Variants in SGCB observed in about 807,000 individuals in gnomAD.
The protein encoded by SGCB is sarcoglycan beta, also known as beta-sarcoglycan.
Under a neutral mutation model 27.3 loss-of-function variants are expected in SGCB, and 25 were observed. The ratio of observed to expected loss-of-function variants is 0.92; its 90% CI spans 0.67 to 1.28. The LOEUF (loss-of-function observed/expected upper bound fraction) is 1.28, where lower values mean the gene tolerates loss of function less well. Ranked by LOEUF, SGCB falls within the 50% of genes most tolerant of loss-of-function variation. The pLI is 0.00. For missense variants in SGCB, 436 were observed against 402.1 expected, an observed-to-expected ratio of 1.08 and a Z score of -0.72; for synonymous variants, 147 against 133.5, an observed-to-expected ratio of 1.10 and a Z score of -0.70.
chr4:52,024,143 T>G lies in SGCB; in HGVS notation c.771A>C (p.Leu257=), dbSNP rs2110209659. Residue 257 remains leucine (L), a synonymous_variant, in exon 6 of 6, where the codon CTA becomes CTC. Transcript: ENST00000381431. ...TGGTGCTGACCATCACAGATCCATT[T>G]AGGATGATACTGTTTTCCTATTAGG... ...MELKAENSII[L]NGSVMVSTTR... The G allele has an allele frequency of 6.2e-7, 1 of 1,613,714 alleles. No individual in the cohort carries two copies. The highest frequency in any genetic ancestry group is 8.5e-7 in the Non-Finnish European group (1 of 1,179,772).
intron 2 of SGCB, among the ~76,000 whole-genome samples, chr4:52,030,297 TTAA>T (rs1737215286): frequency 6.6e-6 from 1 of 152,182 alleles, no homozygotes; most frequent in Non-Finnish European, 1.5e-5. Context: ...GGTTTTATTA[TTAA>T]TTTTCTATTT....
At chr4:52,025,109 G>A (rs1218884821) in intron 5 of SGCB, among the ~76,000 whole-genome samples, 1 of 152,048 alleles carries the variant, frequency 6.6e-6, no homozygotes, top group Admixed American at 6.6e-5. Context: ...AGTGCCTGCT[G>A]TATGCCAGAC....
Position 52,029,839 on chromosome 4 carries a change from T to A in SGCB, c.268A>T (p.Ile90Phe). ...TCACAGCCATTTGGTCCAATGCGAA[T>A]CACGGCCCAAATAACAAGTGTTATC... ...LIITLVIWAV[I>F]RIGPNGCDSM... Residue 90 changes from isoleucine (I) to phenylalanine (F), a missense_variant, in exon 3 of 6, where the codon ATT becomes TTT. Coordinates refer to ENST00000381431, the MANE Select transcript of SGCB (RefSeq NM_000232.5). 1 of 1,613,840 alleles carries A rather than the reference T, an allele frequency of 6.2e-7. No individual in the cohort carries two copies. Among genetic ancestry groups the A allele is most frequent in the Non-Finnish European group, 8.5e-7 (1 of 1,179,778 alleles).
At position 52,028,938 on chromosome 4, in the gene SGCB, T is replaced by C. The variant is rs1206154385; in HGVS notation, c.430-17A>G. On this transcript the variant is annotated splice_polypyrimidine_tract_variant and intron_variant, in intron 3 of 5. Coordinates refer to ENST00000381431, the MANE Select transcript of SGCB (RefSeq NM_000232.5). ...AAAAACAATCTTCAAAAAAAACAGT[T>C]TATTGTGAATATATTTTCAAAGAAG... 1 of 1,587,770 alleles carries C rather than the reference T, an allele frequency of 6.3e-7. No homozygotes were observed. The highest frequency in any genetic ancestry group is 1.3e-5 in the African/African-American group (1 of 74,488).
chr4:52,029,535 ATACATT>A, intron 3 of SGCB, 137 bp downstream of exon 3: 1 of 542,196 alleles, frequency 1.8e-6, no homozygotes, highest in East Asian at 3.2e-5. Context: ...CACTATATTC[ATACATT>A]TATAGATATA....
At chr4:52,025,034 T>G (rs1171233657) in intron 5 of SGCB, among the ~76,000 whole-genome samples, 1 of 152,114 alleles carries the variant, frequency 6.6e-6, no homozygotes, top group African/African-American at 2.4e-5. Flanking sequence ...TAGTGACTCT[T>G]AGGACTCTCT....
chr4:52,026,250 G>GCT (rs1737089701), intron 5 of SGCB, among the ~76,000 whole-genome samples: 1 of 101,646 alleles, frequency 9.8e-6, no homozygotes, highest in East Asian at 2.6e-4. Context: ...TTTGTTGTTG[G>GCT]TTTTTTTTTT....
chr4:52,028,710 A>T lies in SGCB; in HGVS notation c.621+20T>A. The stretch of plus-strand genomic sequence containing the variant: ...AGAATAATTCTCTCCCATTAGTAAA[A>T]CAAAGCCAATAAATCATACCCTTTC... On this transcript the variant is annotated intron_variant, in intron 4 of 5. Transcript: ENST00000381431. The T allele has an allele frequency of 6.4e-7, 1 of 1,558,532 alleles. No homozygotes were observed.
chr4:52,027,535 A>G (rs1737130291), intron 5 of SGCB, among the ~76,000 whole-genome samples: 1 of 151,594 alleles, frequency 6.6e-6, no homozygotes, highest in South Asian at 2.1e-4. Flanking sequence ...ATTAAAAACA[A>G]CAACTACAAG....
chr4:52,030,778 T>A (rs573248202), intron 2 of SGCB, among the ~76,000 whole-genome samples: 2 of 152,230 alleles, frequency 1.3e-5, no homozygotes, highest in African/African-American at 2.4e-5. Flanking sequence ...CCCAGTTTCC[T>A]GTATCCTCAT....
Position 52,022,590 on chromosome 4 carries a change from T to C in SGCB, c.*1367A>G, listed in dbSNP as rs1425437351. ...AATTATTATCCTTACCTAAAAATTA[T>C]GTGTATTATTTCCTGCATTAGCACT... On this transcript the variant is annotated 3_prime_UTR_variant, in exon 6 of 6. Transcript: ENST00000381431. The C allele has an allele frequency of 6.6e-6, 1 of 152,210 alleles. No homozygotes were observed. Among genetic ancestry groups the C allele is most frequent in the Non-Finnish European group, 1.5e-5 (1 of 68,040 alleles). 9.4% of individuals were successfully genotyped at this position (152,210 alleles called of 1,614,324 possible). A position where few individuals can be genotyped will look rare whatever the true frequency, so the allele number is the denominator to read the frequency against.
In SGCB at chr4:52,022,542, T is replaced by C. The variant is rs1451014644; in HGVS notation, c.*1415A>G. 1 of 152,228 alleles carries C rather than the reference T, an allele frequency of 6.6e-6. No homozygotes were observed. Among genetic ancestry groups the C allele is most frequent in the Non-Finnish European group, 1.5e-5 (1 of 68,036 alleles). The allele number at this position is 152,228 out of a possible 1,614,324, so 9.4% of individuals were successfully genotyped here. A position where few individuals can be genotyped will look rare whatever the true frequency, so the allele number is the denominator to read the frequency against. ...AGGGTTATAAATAATTACAATGGGATAGTAATATTAGGAGCAGAGATAAAT... is the reference window on the plus strand; with the variant it reads ...AGGGTTATAAATAATTACAATGGGACAGTAATATTAGGAGCAGAGATAAAT... On this transcript the variant is annotated 3_prime_UTR_variant, in exon 6 of 6. Transcript: ENST00000381431.
chr4:52,037,146 CA>C (rs1203235316), intron 1 of SGCB, among the ~76,000 whole-genome samples: 1 of 152,168 alleles, frequency 6.6e-6, no homozygotes, highest in African/African-American at 2.4e-5. Context: ...ATTTAAATAC[CA>C]ACTCCAAGAA....
intron 1 of SGCB, 125 bp from the exon 2 acceptor site, chr4:52,033,765 C>T (rs916911914): frequency 1.3e-6 from 1 of 750,216 alleles, no homozygotes; most frequent in Non-Finnish European, 2.4e-6. Context: ...CATGAATAAA[C>T]TGCAAATCAC....
rs1459116723 is a variant in SGCB, at chr4:52,034,376, A to G, written c.34-736T>C. On this transcript the variant is annotated intron_variant, in intron 1 of 5. Coordinates refer to ENST00000381431, the MANE Select transcript of SGCB (RefSeq NM_000232.5). ...AAAAAAAAAAAAAAAAAAAAAAAAA[A>G]GGGAATGGTTGCATTTGTACAGAAC... 5.9e-5 allele frequency among the ~76,000 whole-genome samples: 8 copies of G among 135,554 alleles called. No homozygotes were observed. The East Asian group carries it at 1.5e-3, about 25-fold the overall frequency. The allele number at this position is 135,554 out of a possible 152,430, so 88.9% of individuals were successfully genotyped here.
At chr4:52,025,754 C>T (rs184348882) in intron 5 of SGCB, among the ~76,000 whole-genome samples, 2 of 152,254 alleles carry the variant, frequency 1.3e-5, no homozygotes, top group African/African-American at 2.4e-5. Context: ...GCTGTTCCAA[C>T]CATCCAGGCA....
At chr4:52,033,410 A>G (rs1250254411) in intron 2 of SGCB, 21 bp downstream of exon 2, 4 of 1,507,246 alleles carry the variant, frequency 2.7e-6, no homozygotes, top group Non-Finnish European at 3.7e-6. Context: ...AATTAAAATG[A>G]GTATTCTTAC....
Position 52,033,442 on chromosome 4 carries a change from T to G in SGCB, c.232A>C (p.Ile78Leu). ...VIILLFILAV[I>L]NLIITLVIWA... is the part of the protein sequence containing the mutation. ...TTACAAATACTCACTATTAAATTGA[T>G]GACAGCCAGGATAAACAAGAGGATA... Residue 78 changes from isoleucine to leucine, a missense_variant, in exon 2 of 6, where the codon ATC becomes CTC. Coordinates refer to ENST00000381431, the MANE Select transcript of SGCB (RefSeq NM_000232.5). The G allele has an allele frequency of 3.1e-6, 5 of 1,609,236 alleles. No homozygotes were observed. The highest frequency in any genetic ancestry group is 8.5e-7 in the Non-Finnish European group (1 of 1,175,532).
At chr4:52,033,719 G>C in intron 1 of SGCB, 79 bp from the exon 2 acceptor site, 1 of 1,038,026 alleles carries the variant, frequency 9.6e-7, no homozygotes, top group Admixed American at 1.7e-5. Flanking sequence ...CAAATTCATA[G>C]CTATAGCAAG....
Sources: gnomAD v4.1 joint callset for allele counts (sites outside exome capture counted in the v4.1 genomes callset) on GRCh38, gnomAD v4.1.1 for gene constraint, MANE v1.5 for transcripts, NCBI Gene and HGNC (gene_info 2026-07-23, HGNC 2026-07-21) for gene names.